THSD7B: variants seen among roughly 807,000 people sequenced by gnomAD.
THSD7B encodes thrombospondin type-1 domain-containing protein 7B.
In THSD7B, 138 loss-of-function variants were observed where a neutral mutation model predicts 213.6. The ratio of observed to expected loss-of-function variants is 0.65; its 90% CI spans 0.56 to 0.74. THSD7B has a LOEUF of 0.74. Ranked by LOEUF, THSD7B falls within the 30% of genes least tolerant of loss-of-function variation. The pLI, the probability that THSD7B is intolerant of heterozygous loss-of-function variation, is 0.00. For missense variants in THSD7B, 1,931 were observed against 1,991.5 expected, an observed-to-expected ratio of 0.97 and a Z score of 0.58; for synonymous variants, 742 against 687.0, an observed-to-expected ratio of 1.08 and a Z score of -1.25.
At chr2:136,839,024 G>A (rs17663647) in intron 1 of THSD7B, among the ~76,000 whole-genome samples, 5,769 of 152,290 alleles carry the variant, frequency 0.038, 173 homozygotes, top group Non-Finnish European at 0.062. Context: ...TCAAGTGAGA[G>A]AATGCTTTAG....
At chr2:136,791,378 C>T (rs1007798088) in intron 1 of THSD7B, among the ~76,000 whole-genome samples, 7 of 151,780 alleles carry the variant, frequency 4.6e-5, no homozygotes, top group Non-Finnish European at 1.0e-4. Flanking sequence ...AGATGTAATT[C>T]GCATACCAAA....
intron 27 of THSD7B, among the ~76,000 whole-genome samples, chr2:137,671,029 T>C (rs1204386659): frequency 1.3e-5 from 2 of 151,824 alleles, no homozygotes; most frequent in East Asian, 3.8e-4. Context: ...AAGTCACTCT[T>C]ATCACTGCTT....
chr2:136,842,937 G>T (rs1682940196), intron 1 of THSD7B, among the ~76,000 whole-genome samples: 1 of 152,094 alleles, frequency 6.6e-6, no homozygotes, highest in Non-Finnish European at 1.5e-5. Context: ...TACTTTAATT[G>T]TTCAATAAAT....
At chr2:136,886,983 G>A (rs891176290) in intron 2 of THSD7B, among the ~76,000 whole-genome samples, 1 of 152,142 alleles carries the variant, frequency 6.6e-6, no homozygotes, top group Admixed American at 6.6e-5. Flanking sequence ...TAGAAATGAA[G>A]AGATTAGCTT....
At chr2:137,292,688 G>C (rs1385809826) in intron 12 of THSD7B, among the ~76,000 whole-genome samples, 1 of 151,978 alleles carries the variant, frequency 6.6e-6, no homozygotes, top group East Asian at 1.9e-4. Context: ...TACCATATTA[G>C]ATTATTTATT....
intron 12 of THSD7B, among the ~76,000 whole-genome samples, chr2:137,368,100 A>G (rs568890866): frequency 6.6e-6 from 1 of 152,258 alleles, no homozygotes; most frequent in Non-Finnish European, 1.5e-5. Flanking sequence ...GAGAAAGAAT[A>G]AAAGCCTTCC....
chr2:137,209,833 A>G (rs1248937483), intron 7 of THSD7B, among the ~76,000 whole-genome samples: 1 of 151,172 alleles, frequency 6.6e-6, no homozygotes, highest in Non-Finnish European at 1.5e-5. Flanking sequence ...GTGAAGTCCT[A>G]GAACCCAGTA....
chr2:137,252,291 C>T (rs888059287), intron 10 of THSD7B, among the ~76,000 whole-genome samples: 1 of 91,130 alleles, frequency 1.1e-5, no homozygotes, highest in East Asian at 3.4e-4. Context: ...AAAAAAAAAA[C>T]AAAGGGTTGG....
chr2:137,575,725 C>CAT lies in THSD7B; in HGVS notation c.3423+3186_3423+3187dup, dbSNP rs1223981117. ...TGTTTTTTCTTATTCCCATAACACA[C>CAT]ATATATATATATATATATTTTTACT... On this transcript the variant is annotated intron_variant, in intron 17 of 27. Coordinates refer to ENST00000409968, the MANE Select transcript of THSD7B (RefSeq NM_001316349.2). Among the ~76,000 whole-genome samples, 201 of 110,818 alleles carry CAT rather than the reference C, an allele frequency of 1.8e-3. 1 individual carries two copies. Among genetic ancestry groups the CAT allele is most frequent in the Middle Eastern group, 5.3e-3 (1 of 188 alleles). 72.7% of individuals were successfully genotyped at this position (110,818 alleles called of 152,430 possible).
At chr2:136,993,770 C>G (rs545815234) in intron 2 of THSD7B, among the ~76,000 whole-genome samples, 32 of 152,288 alleles carry the variant, frequency 2.1e-4, no homozygotes, top group African/African-American at 7.7e-4. Context: ...CTGGAGGCCT[C>G]TGAGACAGGG....
At chr2:136,946,763 G>C (rs955955758) in intron 2 of THSD7B, among the ~76,000 whole-genome samples, 2 of 152,136 alleles carry the variant, frequency 1.3e-5, no homozygotes, top group East Asian at 1.9e-4. Context: ...AGTGAGCAAG[G>C]CTCCATGGGT....
intron 15 of THSD7B, among the ~76,000 whole-genome samples, chr2:137,454,759 A>T (rs1030023376): frequency 9.2e-5 from 14 of 152,136 alleles, no homozygotes; most frequent in African/African-American, 3.1e-4. Context: ...AGTTATACCT[A>T]CTGAGGCTTT....
intron 12 of THSD7B, among the ~76,000 whole-genome samples, chr2:137,378,149 A>C (rs1332186633): frequency 1.3e-5 from 2 of 152,198 alleles, no homozygotes; most frequent in Admixed American, 6.5e-5. Flanking sequence ...AAAACAACAA[A>C]AAAAAGCCTG....
intron 3 of THSD7B, among the ~76,000 whole-genome samples, chr2:137,082,092 G>A (rs548397176): frequency 2.2e-4 from 34 of 152,170 alleles, no homozygotes; most frequent in East Asian, 3.9e-4. Context: ...GCCAAGTTCC[G>A]AACTGTTTTC....
intron 27 of THSD7B, among the ~76,000 whole-genome samples, chr2:137,673,195 G>T (rs2104832562): frequency 6.6e-6 from 1 of 152,330 alleles, no homozygotes; most frequent in South Asian, 2.1e-4. Flanking sequence ...AGTCCACAAT[G>T]AGCTCACTTT....
intron 15 of THSD7B, among the ~76,000 whole-genome samples, chr2:137,547,702 T>C (rs1303563032): frequency 6.6e-6 from 1 of 151,972 alleles, no homozygotes; most frequent in Non-Finnish European, 1.5e-5. Context: ...AAATCAGACT[T>C]TCTAGATAGA....
chr2:137,557,648 A>T (rs1406133020), intron 15 of THSD7B, among the ~76,000 whole-genome samples: 2 of 152,216 alleles, frequency 1.3e-5, no homozygotes, highest in African/African-American at 4.8e-5. Context: ...CATCACAATT[A>T]AAAGAACTAG....
At chr2:137,040,986 A>G (rs1262344708) in intron 2 of THSD7B, among the ~76,000 whole-genome samples, 1 of 152,216 alleles carries the variant, frequency 6.6e-6, no homozygotes, top group Non-Finnish European at 1.5e-5. Context: ...GGCATGTTAC[A>G]GTAAGTTGGT....
intron 12 of THSD7B, among the ~76,000 whole-genome samples, chr2:137,312,393 C>T (rs1051469198): frequency 6.7e-6 from 1 of 148,676 alleles, no homozygotes; most frequent in Non-Finnish European, 1.5e-5. Flanking sequence ...TGATTCTTCT[C>T]TCTTTTTTTC....
Sources: gnomAD v4.1 joint callset for allele counts (sites outside exome capture counted in the v4.1 genomes callset) on GRCh38, gnomAD v4.1.1 for gene constraint, MANE v1.5 for transcripts, NCBI Gene and HGNC (gene_info 2026-07-23, HGNC 2026-07-21) for gene names.